The following HMBOX1 variants were observed in gnomAD, a reference collection of about 807,000 sequenced individuals.
HMBOX1 encodes the protein homeobox containing 1.
A neutral mutation model predicts 54.5 loss-of-function variants in HMBOX1; 14 were observed. The ratio of observed to expected loss-of-function variants is 0.26; its 90% confidence interval spans 0.17 to 0.40. The LOEUF (loss-of-function observed/expected upper bound fraction) is 0.40, where lower values mean the gene tolerates loss of function less well. HMBOX1 is among the 10% of genes least tolerant of loss of function. The probability of loss-of-function intolerance (pLI) is 1.00; values close to 1 mark genes in which losing one functional copy is unlikely to be tolerated. For synonymous variants in HMBOX1, 160 were observed against 181.0 expected (o/e 0.88, Z 0.93); for missense variants, 332 against 514.4 (o/e 0.65, Z 3.43).
rs1008370663 is a variant in HMBOX1, at chr8:28,897,294, T to C, written c.-58+6616T>C. Among the ~76,000 whole-genome samples, 51 of 152,110 alleles carry C rather than the reference T, an allele frequency of 3.4e-4. 1 individual carries two copies. The highest frequency in any genetic ancestry group is 1.4e-3 in the Admixed American group (22 of 15,282). On this transcript the variant is annotated intron_variant, in intron 1 of 9. Transcript: ENST00000287701. ...CACTGGTCGGCTAGTTTTTTTTTTTTAAATGAGGAATTATAATATTAGGAC... is the reference window on the plus strand; with the variant it reads ...CACTGGTCGGCTAGTTTTTTTTTTTCAAATGAGGAATTATAATATTAGGAC...
intron 2 of HMBOX1, among the ~76,000 whole-genome samples, chr8:28,966,092 G>A (rs1826390122): frequency 6.6e-6 from 1 of 152,092 alleles, no homozygotes. Context: ...TTTTACCTCT[G>A]TGATTTCAAG....
intron 6 of HMBOX1, among the ~76,000 whole-genome samples, chr8:29,033,623 G>A (rs1803374142): frequency 6.6e-6 from 1 of 152,106 alleles, no homozygotes; most frequent in South Asian, 2.1e-4. Flanking sequence ...TGTTTTTGAG[G>A]CAGATTAAAA....
chr8:28,903,321 C>A (rs937925900), intron 1 of HMBOX1, among the ~76,000 whole-genome samples: 1 of 152,228 alleles, frequency 6.6e-6, no homozygotes, highest in Non-Finnish European at 1.5e-5. Flanking sequence ...TAATCCTCTT[C>A]ACTCTTGATT....
intron 8 of HMBOX1, among the ~76,000 whole-genome samples, chr8:29,048,097 A>G (rs1805866405): frequency 6.6e-6 from 1 of 152,220 alleles, no homozygotes; most frequent in African/African-American, 2.4e-5. Context: ...AGGGAATGTA[A>G]TACCCAGAAT....
intron 5 of HMBOX1, among the ~76,000 whole-genome samples, chr8:29,010,816 G>T (rs984720960): frequency 1.3e-5 from 2 of 151,944 alleles, no homozygotes; most frequent in Admixed American, 6.6e-5. Flanking sequence ...CTTTTAGGTT[G>T]GAAAATTGGG....
chr8:29,011,866 T>C (rs1159446926), intron 5 of HMBOX1, among the ~76,000 whole-genome samples: 2 of 152,214 alleles, frequency 1.3e-5, no homozygotes, highest in African/African-American at 2.4e-5. Context: ...AGGAGCTGAT[T>C]TCTTTAAGTA....
chr8:29,024,923 A>G (rs577679637), intron 6 of HMBOX1, among the ~76,000 whole-genome samples: 97 of 152,280 alleles, frequency 6.4e-4, no homozygotes, highest in African/African-American at 2.0e-3. Context: ...AGATTCTCAT[A>G]GGAGCTCGAA....
chr8:28,905,409 A>G (rs1243585395), intron 1 of HMBOX1, among the ~76,000 whole-genome samples: 1 of 152,226 alleles, frequency 6.6e-6, no homozygotes, highest in Non-Finnish European at 1.5e-5. Flanking sequence ...AAAAAGCCTA[A>G]AAGCATAATA....
At chr8:28,907,602 G>C (rs1814579218) in intron 1 of HMBOX1, among the ~76,000 whole-genome samples, 1 of 152,128 alleles carries the variant, frequency 6.6e-6, no homozygotes, top group Non-Finnish European at 1.5e-5. Context: ...CTCTGCTCCT[G>C]ATTATGTGTC....
At chr8:28,969,474 T>A (rs190310622) in intron 2 of HMBOX1, among the ~76,000 whole-genome samples, 1 of 152,238 alleles carries the variant, frequency 6.6e-6, no homozygotes, top group African/African-American at 2.4e-5. Flanking sequence ...TTTTTTTTTT[T>A]AATGTACCTC....
At chr8:28,994,672 G>C (rs1334301630) in intron 4 of HMBOX1, among the ~76,000 whole-genome samples, 2 of 152,138 alleles carry the variant, frequency 1.3e-5, no homozygotes, top group African/African-American at 4.8e-5. Flanking sequence ...CTGTAAACAA[G>C]ATTCACATTG....
In HMBOX1 at chr8:29,009,908, T is replaced by A. The variant is rs978476212; in HGVS notation, c.697+726T>A. 9 of 1,108,590 alleles carry A rather than the reference T, an allele frequency of 8.1e-6. No homozygotes were observed. In the African/African-American group the frequency reaches 1.3e-4, roughly 17 times the overall value. The allele number at this position is 1,108,590 out of a possible 1,614,324, so 68.7% of individuals were successfully genotyped here. On this transcript the variant is annotated intron_variant, in intron 5 of 9. Transcript: ENST00000287701. ...AAGTGACAGTGAGCCTGCCCTCATG[T>A]GTAAATTTAAGATTGGGTTGCGTTC...
intron 6 of HMBOX1, among the ~76,000 whole-genome samples, chr8:29,021,438 A>G (rs1801139258): frequency 1.3e-5 from 2 of 152,106 alleles, no homozygotes; most frequent in African/African-American, 2.4e-5. Flanking sequence ...AGTAAAAGAC[A>G]AATTGGAAAA....
At chr8:28,932,714 T>C (rs1232938585) in intron 1 of HMBOX1, among the ~76,000 whole-genome samples, 1 of 152,232 alleles carries the variant, frequency 6.6e-6, no homozygotes, top group South Asian at 2.1e-4. Flanking sequence ...CTATTTCTTA[T>C]GATTTTGAAG....
At chr8:28,981,351 T>C (rs1251148217) in intron 4 of HMBOX1, among the ~76,000 whole-genome samples, 4 of 152,196 alleles carry the variant, frequency 2.6e-5, no homozygotes, top group Non-Finnish European at 2.9e-5. Flanking sequence ...AGTTTAATTG[T>C]TGTAGTATTT....
intron 2 of HMBOX1, among the ~76,000 whole-genome samples, chr8:28,969,298 T>C (rs905068161): frequency 9.2e-5 from 14 of 152,322 alleles, no homozygotes; most frequent in African/African-American, 3.1e-4. Context: ...TAGTATCTTG[T>C]GCTAGTTAAA....
intron 1 of HMBOX1, among the ~76,000 whole-genome samples, chr8:28,925,926 A>G (rs1407555029): frequency 6.6e-6 from 1 of 152,156 alleles, no homozygotes; most frequent in Non-Finnish European, 1.5e-5. Flanking sequence ...TGGTGTCTTG[A>G]TGGTTAAATG....
intron 1 of HMBOX1, among the ~76,000 whole-genome samples, chr8:28,902,639 A>G (rs1813451795): frequency 6.6e-6 from 1 of 152,198 alleles, no homozygotes; most frequent in East Asian, 1.9e-4. Flanking sequence ...GACTTCTCAC[A>G]TAGTGCCTCA....
At chr8:28,977,238 A>G (rs1165335588) in intron 3 of HMBOX1, among the ~76,000 whole-genome samples, 1 of 152,218 alleles carries the variant, frequency 6.6e-6, no homozygotes, top group Non-Finnish European at 1.5e-5. Context: ...TTTAAAATAA[A>G]TGGATTTAAA....
Sources: allele counts gnomAD v4.1 joint callset (sites outside exome capture counted in the v4.1 genomes callset), GRCh38; gene constraint gnomAD v4.1.1; transcripts MANE v1.5; gene names NCBI Gene and HGNC (gene_info 2026-07-23, HGNC 2026-07-21).